The following SLC26A6 variants were observed in gnomAD, a reference collection of about 807,000 sequenced individuals.
The protein encoded by SLC26A6 is anion exchange transporter.
A neutral mutation model predicts 87.1 loss-of-function variants in SLC26A6; 67 were observed. That is an observed-to-expected ratio of 0.77 (90% CI 0.63 to 0.94). The LOEUF (loss-of-function observed/expected upper bound fraction) is 0.94. SLC26A6 is among the 40% of genes least tolerant of loss of function. The probability of loss-of-function intolerance (pLI) is 0.00; values close to 1 mark genes in which losing one functional copy is unlikely to be tolerated. For synonymous variants in SLC26A6, 414 were observed against 405.9 expected, an observed-to-expected ratio of 1.02 and a Z score of -0.24; for missense variants, 902 against 973.0, an observed-to-expected ratio of 0.93 and a Z score of 0.97.
At position 48,631,921 on chromosome 3, in the gene SLC26A6, G is replaced by A. The variant is rs387907496; in HGVS notation, c.709C>T (p.Leu237Phe). 6.2e-7 allele frequency: 1 copy of A among 1,613,518 alleles called. No individual in the cohort carries two copies. The highest frequency in any genetic ancestry group is 8.5e-7 in the Non-Finnish European group (1 of 1,180,032). The change falls in exon 6 of 21, where the codon CTC becomes TTC. Residue 237 changes from leucine to phenylalanine, a missense_variant. This residue lies in a region of SLC26A6 where 800 missense variants were observed against 856.8 expected (regional missense o/e 0.93). Transcript: ENST00000395550. ...FVSQLKYVFGLHLSSHSGPLS... is the reference protein window; with the variant it reads ...FVSQLKYVFGFHLSSHSGPLS... ...GGCCCAGAGTGGCTGCTCAGATGGA[G>A]GCCAAACACATACTTGAGCTGTGAG...
intron 11 of SLC26A6, 74 bp downstream of exon 11, chr3:48,630,364 G>C: frequency 6.8e-7 from 1 of 1,477,410 alleles, no homozygotes; most frequent in Non-Finnish European, 9.2e-7. Context: ...CCCACCCCTC[G>C]CCTGAACCTA....
chr3:48,629,927 C>A lies in SLC26A6; in HGVS notation c.1474G>T (p.Gly492Cys), dbSNP rs1293588510. The A allele has an allele frequency of 6.2e-7, 1 of 1,614,008 alleles. No individual in the cohort carries two copies. The highest frequency in any genetic ancestry group is 2.2e-5 in the East Asian group (1 of 44,894). Residue 492 changes from glycine to cysteine, a missense_variant, in exon 13 of 21, where the codon GGC (glycine) becomes TGC (cysteine). By Grantham distance (159) the Gly-to-Cys change is radical. Coordinates refer to ENST00000395550, the MANE Select transcript of SLC26A6 (RefSeq NM_022911.3). Reference sequence around the variant, plus strand: ...GAGAAGATGACCGCAACCACCAAGCCAAGGTCCAGGTTCAGCAAGATGGTG... The same window carrying A: ...GAGAAGATGACCGCAACCACCAAGCAAAGGTCCAGGTTCAGCAAGATGGTG... Reference protein sequence around the residue: ...TATILLNLDLGLVVAVIFSLL... With the variant: ...TATILLNLDLCLVVAVIFSLL...
chr3:48,630,843 C>T lies in SLC26A6; in HGVS notation c.1135-123G>A. On this transcript the variant is annotated intron_variant, in intron 9 of 20. Transcript: ENST00000395550. ...CCAAGTGGCCCCCAGAGACTGGATG[C>T]TGTCCCACACGTCCTGCTCTCCCAC... 2.7e-6 allele frequency: 4 copies of T among 1,491,560 alleles called. No homozygotes were observed. The South Asian group carries it at 3.7e-5, about 14-fold the overall frequency. 92.4% of individuals were successfully genotyped at this position (1,491,560 alleles called of 1,614,324 possible).
Position 48,625,866 on chromosome 3 carries a change from T to G in SLC26A6, c.*120A>C. ...GAGTCCCAGGACCTCCTTCCCTGAG[T>G]TGTGTGTGTGTACATGGAGGGGACT... On this transcript the variant is annotated 3_prime_UTR_variant, in exon 21 of 21. Transcript: ENST00000395550. This position sits in a 1 kb window ranked among gnomAD's most constrained non-coding sequence, Gnocchi z 4.7. The G allele has an allele frequency of 3.1e-6, 4 of 1,290,228 alleles. No individual in the cohort carries two copies. Among genetic ancestry groups the G allele is most frequent in the Non-Finnish European group, 4.4e-6 (4 of 910,622 alleles). The allele number at this position is 1,290,228 out of a possible 1,614,324, so 79.9% of individuals were successfully genotyped here.
chr3:48,628,496 G>A lies in SLC26A6; in HGVS notation c.1738C>T (p.Leu580Phe), dbSNP rs774406934. ...DFLISQKKKLLKKQEQLKLKQ... is the reference protein window; with the variant it reads ...DFLISQKKKLFKKQEQLKLKQ... The stretch of plus-strand genomic sequence containing the variant: ...AGCTTCAGCTGCTCCTGCTTCTTGA[G>A]CAGTTTCTTCTTCTGGGAGATGAGG... The change falls in exon 16 of 21, where the codon CTC (leucine) becomes TTC (phenylalanine). Residue 580 changes from leucine (L) to phenylalanine (F), a missense_variant. By Grantham distance (22) the Leu-to-Phe change is conservative (BLOSUM62 0). Transcript: ENST00000395550. The surrounding 1 kb of genome is among the most constrained non-coding windows in gnomAD (Gnocchi z 4.4). 6.2e-7 allele frequency: 1 copy of A among 1,614,082 alleles called. No homozygotes were observed.
In SLC26A6 at chr3:48,628,553, C is replaced by T. The variant is rs962464818; in HGVS notation, c.1693-12G>A. 118 of 1,613,968 alleles carry T rather than the reference C, an allele frequency of 7.3e-5. No individual in the cohort carries two copies. Among genetic ancestry groups the T allele is most frequent in the Non-Finnish European group, 9.7e-5 (114 of 1,179,990 alleles). On this transcript the variant is annotated splice_polypyrimidine_tract_variant and intron_variant, in intron 15 of 20. Transcript: ENST00000395550. The surrounding 1 kb of genome is among the most constrained non-coding windows in gnomAD (Gnocchi z 4.4). ...ACATCCACACCACACTGGAGGCAAA[C>T]ATCAGAGAAGGGTTGGTGAGCTCTC...
At chr3:48,627,209 A>T in intron 17 of SLC26A6, 154 bp from the exon 18 acceptor site, 2 of 848,850 alleles carry the variant, frequency 2.4e-6, no homozygotes, top group Non-Finnish European at 3.6e-6. Flanking sequence ...GTGTGCAAAG[A>T]CAGGAATGAC....
At position 48,628,860 on chromosome 3, in the gene SLC26A6, G is replaced by A; in HGVS notation, c.1600-146C>T. The A allele has an allele frequency of 1.1e-6, 1 of 917,832 alleles. No individual in the cohort carries two copies. Among genetic ancestry groups the A allele is most frequent in the Non-Finnish European group, 1.7e-6 (1 of 596,824 alleles). 56.9% of individuals were successfully genotyped at this position (917,832 alleles called of 1,614,324 possible). A position where few individuals can be genotyped will look rare whatever the true frequency, so the allele number is the denominator to read the frequency against. ...GGCTGCAGTCCAGGCCCTCCCAGGG[G>A]CTTAGGCCACAAGCCCGACGGTGTC... On this transcript the variant is annotated intron_variant, in intron 14 of 20. Transcript: ENST00000395550. The surrounding 1 kb of genome is among the most constrained non-coding windows in gnomAD (Gnocchi z 4.4).
Position 48,629,624 on chromosome 3 carries a change from T to C in SLC26A6, c.1599+18A>G. 1 of 1,599,184 alleles carries C rather than the reference T, an allele frequency of 6.3e-7. No homozygotes were observed. Among genetic ancestry groups the C allele is most frequent in the Non-Finnish European group, 8.5e-7 (1 of 1,173,762 alleles). On this transcript the variant is annotated intron_variant, in intron 14 of 20. Coordinates refer to ENST00000395550, the MANE Select transcript of SLC26A6 (RefSeq NM_022911.3). ...CGTCTCCCCATCCACACCATCTCAC[T>C]CAGCCCCTGACACTCACCTCTGAGT...
At position 48,627,014 on chromosome 3, in the gene SLC26A6, A is replaced by G. The variant is rs2046643229; in HGVS notation, c.1935T>C (p.Asn645=). 1 of 1,613,936 alleles carries G rather than the reference A, an allele frequency of 6.2e-7. No individual in the cohort carries two copies. Among genetic ancestry groups the G allele is most frequent in the South Asian group, 1.1e-5 (1 of 91,064 alleles). ...CTGGGGCCTTGGAGTCTTCTTGACC[A>G]TTGGCTGTTGCATCTTCCATCTTAT... ...SGDKMEDATA[N]GQEDSKAPDG... Residue 645 remains asparagine, a synonymous_variant, in exon 18 of 21, where the codon AAT becomes AAC. Transcript: ENST00000395550.
intron 19 of SLC26A6, 117 bp downstream of exon 19, chr3:48,626,514 C>A: frequency 6.5e-7 from 1 of 1,544,070 alleles, no homozygotes; most frequent in Admixed American, 1.7e-5. Flanking sequence ...TCTCCCAGGA[C>A]ACCTCTGACC....
intron 17 of SLC26A6, chr3:48,627,302 C>A: frequency 1.9e-6 from 1 of 515,088 alleles, no homozygotes; most frequent in Non-Finnish European, 3.4e-6. Context: ...TGCACAGGGA[C>A]ACGAGAAGGG....
chr3:48,630,676 G>A lies in SLC26A6; in HGVS notation c.1179C>T (p.Phe393=), dbSNP rs1471819871. 4 of 1,603,110 alleles carry A rather than the reference G, an allele frequency of 2.5e-6. No homozygotes were observed. In the African/African-American group the frequency reaches 5.4e-5, roughly 21 times the overall value. The change falls in exon 10 of 21, where the codon TTC becomes TTT. Residue 393 remains phenylalanine (F), a synonymous_variant. Coordinates refer to ENST00000395550, the MANE Select transcript of SLC26A6 (RefSeq NM_022911.3). The part of the protein sequence containing the change: ...LGLSNLIGGI[F]QCFPVSCSMS... Reference sequence around the variant, plus strand: ...TAGAGCAACTCACGGGGAAGCACTGGAAGATGCCTCCGATAAGGTTACTGA... The same window carrying A: ...TAGAGCAACTCACGGGGAAGCACTGAAAGATGCCTCCGATAAGGTTACTGA...
rs770932589 is a variant in SLC26A6 at position 48,631,959 on chromosome 3, A to C, written c.671T>G (p.Val224Gly). ...CTTGAGCTGTGAGACGAAGACCTGC[A>C]CAGCTGCAGCTGTGGTATAGCCTCG... ...LVRGYTTAAA[V>G]QVFVSQLKYV... The change falls in exon 6 of 21, where the codon GTG (valine) becomes GGG (glycine). Residue 224 changes from valine (V) to glycine (G), a missense_variant. This residue lies in a region of SLC26A6 where 800 missense variants were observed against 856.8 expected (regional missense o/e 0.93). Transcript: ENST00000395550. 7.4e-6 allele frequency: 12 copies of C among 1,613,408 alleles called. No individual in the cohort carries two copies. Among genetic ancestry groups the C allele is most frequent in the Non-Finnish European group, 1.0e-5 (12 of 1,180,028 alleles).
Position 48,626,978 on chromosome 3 carries a change from T to G in SLC26A6, c.1971A>C (p.Thr657=), listed in dbSNP as rs776092805. The G allele has an allele frequency of 4.3e-5, 69 of 1,614,064 alleles. No homozygotes were observed. The highest frequency in any genetic ancestry group is 5.7e-5 in the Non-Finnish European group (67 of 1,180,036). Residue 657 remains threonine, a synonymous_variant, in exon 18 of 21, where the codon ACA becomes ACC. Transcript: ENST00000395550. ...QEDSKAPDGS[T]LKALGLPQPD... is the part of the protein sequence containing the mutation. Reference sequence around the variant, plus strand: ...GCTGAGGCAGGCCCAGGGCCTTCAGTGTGGACCCATCTGGGGCCTTGGAGT... The same window carrying G: ...GCTGAGGCAGGCCCAGGGCCTTCAGGGTGGACCCATCTGGGGCCTTGGAGT...
Position 48,627,161 on chromosome 3 carries a change from G to A in SLC26A6, c.1894-106C>T. On this transcript the variant is annotated intron_variant, in intron 17 of 20. Coordinates refer to ENST00000395550, the MANE Select transcript of SLC26A6 (RefSeq NM_022911.3). ...GCAAGGTCAGATGGGGAGCATGCAT[G>A]GGACACATAAGGACACAAACATGCG... The A allele has an allele frequency of 5.1e-6, 7 of 1,359,958 alleles. No homozygotes were observed. The South Asian group carries it at 5.5e-5, about 11-fold the overall frequency. 84.2% of individuals were successfully genotyped at this position (1,359,958 alleles called of 1,614,324 possible).
chr3:48,634,790 G>A, intron 1 of SLC26A6: 8 of 979,734 alleles, frequency 8.2e-6, no homozygotes, highest in Non-Finnish European at 9.7e-6. Flanking sequence ...GTGCAAGGAA[G>A]ATCCTCAGAG....
rs765705754 is a variant in SLC26A6, at chr3:48,628,002, C to T, written c.1837G>A (p.Val613Ile). The T allele has an allele frequency of 1.3e-6, 2 of 1,592,152 alleles. No homozygotes were observed. Among genetic ancestry groups the T allele is most frequent in the Non-Finnish European group, 1.7e-6 (2 of 1,173,254 alleles). ...CTCATGTCTTCAAGGCTGGTGTTGACATTAATGGAAACTGAGGCGCCCTTG... is the reference window on the plus strand; with the variant it reads ...CTCATGTCTTCAAGGCTGGTGTTGATATTAATGGAAACTGAGGCGCCCTTG... The part of the protein sequence containing the change: ...SPKGASVSIN[V>I]NTSLEDMRSN... Residue 613 changes from valine to isoleucine, a missense_variant, in exon 17 of 21, where the codon GTC becomes ATC. Physicochemically the swap from Val to Ile is conservative, Grantham distance 29. Coordinates refer to ENST00000395550, the MANE Select transcript of SLC26A6 (RefSeq NM_022911.3). The surrounding 1 kb of genome is among the most constrained non-coding windows in gnomAD (Gnocchi z 4.4).
In SLC26A6 at chr3:48,631,646, A is replaced by T. The variant is rs560074702; in HGVS notation, c.903+3T>A. On this transcript the variant is annotated splice_donor_region_variant and intron_variant, in intron 7 of 20. Transcript: ENST00000395550. ...CCTGCCCTCCACTCCCTGGCCCTCGAACCGTGAGCAGCTCCCCGGGTATCG... is the reference window on the plus strand; with the variant it reads ...CCTGCCCTCCACTCCCTGGCCCTCGTACCGTGAGCAGCTCCCCGGGTATCG... 13 of 1,612,568 alleles carry T rather than the reference A, an allele frequency of 8.1e-6. No homozygotes were observed. In the South Asian group the frequency reaches 1.4e-4, roughly 18 times the overall value.
Sources: gnomAD v4.1 joint callset for allele counts on GRCh38, gnomAD v4.1.1 for gene constraint, gnomAD v4.1.1 regional missense constraint, Gnocchi (gnomAD v3.1) non-coding constraint, MANE v1.5 for transcripts, NCBI Gene and HGNC (gene_info 2026-07-23, HGNC 2026-07-21) for gene names.